The following TLN2 variants were observed in gnomAD, a reference collection of about 807,000 sequenced individuals.
The protein encoded by TLN2 is talin 2, also known as talin-2.
A neutral mutation model predicts 294.7 loss-of-function variants in TLN2; 118 were observed. The observed-to-expected ratio is 0.40, with a 90% confidence interval of 0.34 to 0.47. The LOEUF (loss-of-function observed/expected upper bound fraction) is 0.47, where lower values mean the gene tolerates loss of function less well. TLN2 is among the 20% of genes least tolerant of loss of function. The pLI is 0.84. For synonymous variants in TLN2, 1,431 were observed against 1,304.5 expected (o/e 1.10, Z -2.09); for missense variants, 3,083 against 3,282.2 (o/e 0.94, Z 1.48).
chr15:62,404,349 A>G (rs1032591851), intron 1 of TLN2, among the ~76,000 whole-genome samples: 1 of 152,188 alleles, frequency 6.6e-6, no homozygotes, highest in Non-Finnish European at 1.5e-5. Flanking sequence ...TGAAGATGAT[A>G]AATGGACTTG....
At chr15:62,492,522 C>T (rs1385216964) in intron 1 of TLN2, among the ~76,000 whole-genome samples, 3 of 135,298 alleles carry the variant, frequency 2.2e-5, no homozygotes, top group East Asian at 2.2e-4. Context: ...CGCCCCTGGG[C>T]GACAGAGCGA....
chr15:62,811,379 A>G (rs1439775570), intron 52 of TLN2, among the ~76,000 whole-genome samples: 6 of 152,230 alleles, frequency 3.9e-5, no homozygotes, highest in African/African-American at 1.4e-4. Flanking sequence ...ACAGGTTGGG[A>G]AATAGTTAAA....
intron 50 of TLN2, 28 bp downstream of exon 50, chr15:62,800,797 G>C (rs1334875654): frequency 1.1e-5 from 18 of 1,585,164 alleles, no homozygotes; most frequent in Non-Finnish European, 1.5e-5. Context: ...ACCTCCCTTG[G>C]GTACCAGAGT....
chr15:62,607,663 A>AT (rs2047565007), intron 2 of TLN2, among the ~76,000 whole-genome samples: 1 of 152,000 alleles, frequency 6.6e-6, no homozygotes, highest in Non-Finnish European at 1.5e-5. Context: ...TTTAGCTGTG[A>AT]TTTTGTCTTC....
intron 10 of TLN2, 151 bp downstream of exon 10, chr15:62,674,041 G>T (rs990842607): frequency 1.8e-6 from 1 of 554,858 alleles, no homozygotes; most frequent in Non-Finnish European, 3.1e-6. Flanking sequence ...GAAGCTGACA[G>T]TCCTACTTTG....
At chr15:62,407,863 T>C (rs1254830803) in intron 1 of TLN2, among the ~76,000 whole-genome samples, 1 of 151,878 alleles carries the variant, frequency 6.6e-6, no homozygotes, top group African/African-American at 2.4e-5. Context: ...TATGGTGAGC[T>C]AAGATCACAC....
intron 10 of TLN2, among the ~76,000 whole-genome samples, chr15:62,674,474 C>T (rs1213026776): frequency 6.6e-6 from 1 of 151,504 alleles, no homozygotes; most frequent in African/African-American, 2.4e-5. Context: ...TACTATCGTG[C>T]ACAGGCGTGT....
At chr15:62,418,847 A>C (rs2034228552) in intron 1 of TLN2, among the ~76,000 whole-genome samples, 1 of 152,208 alleles carries the variant, frequency 6.6e-6, no homozygotes, top group Admixed American at 6.5e-5. Context: ...GAAGCAAATC[A>C]CAATGGTGGA....
chr15:62,727,054 C>T (rs781420033), intron 27 of TLN2, 33 bp from the exon 28 acceptor site: 9 of 1,605,424 alleles, frequency 5.6e-6, no homozygotes, highest in South Asian at 1.1e-5. Context: ...TCCTTTTCTT[C>T]TACGTTCTTT....
At chr15:62,649,791 G>T (rs1433235510) in intron 4 of TLN2, among the ~76,000 whole-genome samples, 1 of 152,158 alleles carries the variant, frequency 6.6e-6, no homozygotes, top group Non-Finnish European at 1.5e-5. Flanking sequence ...CTCAAATTCA[G>T]TTAGAAAGAA....
chr15:62,545,131 G>T (rs1467777144), intron 1 of TLN2, among the ~76,000 whole-genome samples: 3 of 151,750 alleles, frequency 2.0e-5, no homozygotes, highest in Non-Finnish European at 2.9e-5. Context: ...GTAGAGACGG[G>T]GTTTCACTGT....
chr15:62,680,446 TAA>T (rs1197287821), intron 11 of TLN2, among the ~76,000 whole-genome samples: 2 of 152,134 alleles, frequency 1.3e-5, no homozygotes, highest in African/African-American at 4.8e-5. Context: ...AGGAAATTGA[TAA>T]GACATATGTC....
chr15:62,795,761 G>A (rs569334588), intron 46 of TLN2, among the ~76,000 whole-genome samples: 2 of 152,184 alleles, frequency 1.3e-5, no homozygotes, highest in Non-Finnish European at 2.9e-5. Flanking sequence ...AAACATAGCA[G>A]TAATTGAATA....
At chr15:62,704,069 A>G (rs892372280) in intron 19 of TLN2, among the ~76,000 whole-genome samples, 4 of 152,126 alleles carry the variant, frequency 2.6e-5, no homozygotes, top group African/African-American at 7.2e-5. Context: ...CCTTTTCCAA[A>G]TCCTGTGTCA....
At position 62,604,659 on chromosome 15, in the gene TLN2, G is replaced by A. The variant is rs145760543; in HGVS notation, c.-161-13692G>A. The stretch of plus-strand genomic sequence containing the variant: ...TGCAGTGTGTAGTTGGAAGGAGGCC[G>A]TGGGAGTGGAAAGTGGATTTCTTCT... On this transcript the variant is annotated intron_variant, in intron 2 of 58. Transcript: ENST00000636159. Among the ~76,000 whole-genome samples the A allele has an allele frequency of 6.0e-5, 9 of 151,196 alleles. No homozygotes were observed. The East Asian group carries it at 1.6e-3, about 26-fold the overall frequency.
intron 10 of TLN2, among the ~76,000 whole-genome samples, chr15:62,674,424 A>G (rs1388664741): frequency 6.6e-6 from 1 of 152,190 alleles, no homozygotes; most frequent in East Asian, 1.9e-4. Flanking sequence ...TACAAATTTC[A>G]TGCGTATAAA....
At chr15:62,610,818 G>A (rs527634583) in intron 2 of TLN2, among the ~76,000 whole-genome samples, 2 of 152,160 alleles carry the variant, frequency 1.3e-5, no homozygotes, top group Non-Finnish European at 2.9e-5. Context: ...GCAAATACAG[G>A]CTCTACAAAT....
rs117459411 is a variant in TLN2 at position 62,718,373 on chromosome 15, G to T, written c.2877+684G>T. Among the ~76,000 whole-genome samples, 728 of 152,326 alleles carry T rather than the reference G, an allele frequency of 4.8e-3. 3 individuals are homozygous for T. Among genetic ancestry groups the T allele is most frequent in the Non-Finnish European group, 8.2e-3 (556 of 68,022 alleles). ...CTGGCATGTCCTGGAAGTATTTGCA[G>T]CTAGCTGTGGTGGCTGGCTGGGAGG... On this transcript the variant is annotated intron_variant, in intron 24 of 58. Coordinates refer to ENST00000636159, the MANE Select transcript of TLN2 (RefSeq NM_015059.3).
At chr15:62,593,768 A>G (rs1347340235) in intron 2 of TLN2, among the ~76,000 whole-genome samples, 1 of 152,210 alleles carries the variant, frequency 6.6e-6, no homozygotes, top group African/African-American at 2.4e-5. Context: ...CCAAATCCAT[A>G]AAATAACTAG....
Sources: allele counts gnomAD v4.1 joint callset (sites outside exome capture counted in the v4.1 genomes callset), GRCh38; gene constraint gnomAD v4.1.1; transcripts MANE v1.5; gene names NCBI Gene and HGNC (gene_info 2026-07-23, HGNC 2026-07-21).